Variants in EPB41L2 observed in about 807,000 individuals in gnomAD.
The protein encoded by EPB41L2 is band 4.1-like protein 2.
A neutral mutation model predicts 113.0 loss-of-function variants in EPB41L2; 43 were observed. The ratio of observed to expected loss-of-function variants is 0.38; its 90% confidence interval spans 0.30 to 0.49. EPB41L2 has a LOEUF of 0.49. EPB41L2 is among the 20% of genes least tolerant of loss of function. The pLI is 0.95. For missense variants in EPB41L2, 1,147 were observed against 1,223.4 expected, an observed-to-expected ratio of 0.94 and a Z score of 0.93; for synonymous variants, 442 against 436.7, an observed-to-expected ratio of 1.01 and a Z score of -0.15.
chr6:131,060,874 A>G (rs933667182), intron 1 of EPB41L2, among the ~76,000 whole-genome samples: 1 of 152,222 alleles, frequency 6.6e-6, no homozygotes, highest in African/African-American at 2.4e-5. Context: ...TTCAGATTTG[A>G]AATATACACA....
chr6:130,921,564 T>C lies in EPB41L2; in HGVS notation c.810+5041A>G, dbSNP rs576415258. 2.7e-4 allele frequency among the ~76,000 whole-genome samples: 41 copies of C among 152,342 alleles called. 1 individual carries two copies. Among genetic ancestry groups the C allele is most frequent in the African/African-American group, 9.9e-4 (41 of 41,594 alleles). Reference sequence around the variant, plus strand: ...TCCGCACCCACATCATGATCATTCATGCTGGAACGATTACTTTTCTTCTGT... The same window carrying C: ...TCCGCACCCACATCATGATCATTCACGCTGGAACGATTACTTTTCTTCTGT... On this transcript the variant is annotated intron_variant, in intron 4 of 19. Transcript: ENST00000337057.
At chr6:130,967,277 A>G (rs1026297310) in intron 1 of EPB41L2, among the ~76,000 whole-genome samples, 1 of 141,162 alleles carries the variant, frequency 7.1e-6, no homozygotes, top group African/African-American at 2.8e-5. Context: ...AGTTGCCTAT[A>G]TGGAGGGCTG....
At chr6:130,877,253 A>G (rs1787864766) in intron 14 of EPB41L2, among the ~76,000 whole-genome samples, 1 of 152,226 alleles carries the variant, frequency 6.6e-6, no homozygotes, top group African/African-American at 2.4e-5. Context: ...TTCAAGCCAG[A>G]CTAGATGCTG....
chr6:130,928,256 T>C (rs1805458248), intron 3 of EPB41L2, among the ~76,000 whole-genome samples: 1 of 152,180 alleles, frequency 6.6e-6, no homozygotes, highest in Non-Finnish European at 1.5e-5. Context: ...AAATACAGCA[T>C]AGAGAATAAG....
intron 1 of EPB41L2, among the ~76,000 whole-genome samples, chr6:131,042,606 C>T (rs1486851111): frequency 3.9e-5 from 6 of 152,108 alleles, no homozygotes; most frequent in Non-Finnish European, 8.8e-5. Flanking sequence ...AAATTGGTTG[C>T]TTTCTGATTT....
intron 3 of EPB41L2, among the ~76,000 whole-genome samples, chr6:130,949,956 C>T (rs1452020823): frequency 6.6e-6 from 1 of 152,098 alleles, no homozygotes; most frequent in East Asian, 1.9e-4. Flanking sequence ...TAATACAACA[C>T]ACAAAATTGT....
chr6:130,971,125 G>C (rs1036779142), intron 1 of EPB41L2, among the ~76,000 whole-genome samples: 3 of 152,082 alleles, frequency 2.0e-5, no homozygotes, highest in Non-Finnish European at 2.9e-5. Context: ...TCCAACTCCA[G>C]GACTCAAGTG....
chr6:130,957,096 T>G (rs555352740), intron 1 of EPB41L2, among the ~76,000 whole-genome samples: 33 of 152,338 alleles, frequency 2.2e-4, no homozygotes, highest in Admixed American at 8.5e-4. Flanking sequence ...TCACCATCAC[T>G]GTTCCAATGC....
At chr6:130,892,894 G>C (rs1793433115) in intron 10 of EPB41L2, among the ~76,000 whole-genome samples, 1 of 152,186 alleles carries the variant, frequency 6.6e-6, no homozygotes, top group Admixed American at 6.6e-5. Flanking sequence ...GTGAAGCAGA[G>C]AGGTTGGTAT....
intron 1 of EPB41L2, among the ~76,000 whole-genome samples, chr6:131,029,808 G>A (rs1488949772): frequency 6.6e-6 from 1 of 152,092 alleles, no homozygotes; most frequent in Non-Finnish European, 1.5e-5. Flanking sequence ...ACAGCTGTTG[G>A]TGCCACAATA....
chr6:130,883,637 T>C (rs1790000861), intron 12 of EPB41L2, among the ~76,000 whole-genome samples: 1 of 152,216 alleles, frequency 6.6e-6, no homozygotes, highest in African/African-American at 2.4e-5. Context: ...AGAGATATTC[T>C]GAAATGCTGA....
At chr6:130,941,164 ACTTC>A (rs1453775172) in intron 3 of EPB41L2, among the ~76,000 whole-genome samples, 1 of 152,194 alleles carries the variant, frequency 6.6e-6, no homozygotes, top group Non-Finnish European at 1.5e-5. Context: ...TGAAAATATG[ACTTC>A]CTTAACTTCT....
chr6:131,008,505 C>T (rs1786131519), intron 1 of EPB41L2, among the ~76,000 whole-genome samples: 1 of 152,278 alleles, frequency 6.6e-6, no homozygotes, highest in Non-Finnish European at 1.5e-5. Flanking sequence ...ACAGAGTCCC[C>T]TCTGGGGCAC....
chr6:130,878,827 G>A (rs1056849367), intron 13 of EPB41L2, among the ~76,000 whole-genome samples: 1 of 152,138 alleles, frequency 6.6e-6, no homozygotes, highest in African/African-American at 2.4e-5. Context: ...TCCAGTGATG[G>A]CTTTTAATTC....
At chr6:130,869,021 T>C (rs1268976524) in intron 15 of EPB41L2, 1 of 152,842 alleles carries the variant, frequency 6.5e-6, no homozygotes, top group Non-Finnish European at 1.5e-5. Context: ...AGAAATAACA[T>C]TCTCATCACT....
intron 4 of EPB41L2, among the ~76,000 whole-genome samples, chr6:130,910,790 T>C (rs1308209240): frequency 1.3e-5 from 2 of 152,222 alleles, no homozygotes; most frequent in African/African-American, 4.8e-5. Context: ...TCATCACTGG[T>C]CATTAGAGAA....
At chr6:131,061,382 G>T (rs920183075) in intron 1 of EPB41L2, among the ~76,000 whole-genome samples, 7 of 152,190 alleles carry the variant, frequency 4.6e-5, no homozygotes, top group Admixed American at 2.6e-4. Flanking sequence ...ATAGATATCT[G>T]AAGTTTGATG....
intron 12 of EPB41L2, chr6:130,880,490 C>A: frequency 1.5e-6 from 1 of 651,678 alleles, no homozygotes; most frequent in Non-Finnish European, 2.7e-6. Flanking sequence ...CCATCTTCGC[C>A]TGAAAAGTCA....
intron 6 of EPB41L2, among the ~76,000 whole-genome samples, chr6:130,902,456 C>T (rs1796556674): frequency 1.3e-5 from 2 of 152,198 alleles, no homozygotes; most frequent in Admixed American, 6.5e-5. Context: ...TGCCACATGA[C>T]AAGTGCTCGG....
Sources: gnomAD v4.1 joint callset for allele counts (sites outside exome capture counted in the v4.1 genomes callset) on GRCh38, gnomAD v4.1.1 for gene constraint, MANE v1.5 for transcripts, NCBI Gene and HGNC (gene_info 2026-07-23, HGNC 2026-07-21) for gene names.